PRDM11: variants seen among roughly 807,000 people sequenced by gnomAD.
PRDM11 encodes the protein PR/SET domain 11.
Under a neutral mutation model 97.8 loss-of-function variants are expected in PRDM11, and 20 were observed. That is an observed-to-expected ratio of 0.20 (90% confidence interval 0.14 to 0.30). PRDM11 has a LOEUF of 0.30. PRDM11 is among the 10% of genes least tolerant of loss of function. The probability of loss-of-function intolerance (pLI) is 1.00; values close to 1 mark genes in which losing one functional copy is unlikely to be tolerated. For missense variants in PRDM11, 1,139 were observed against 1,555.2 expected (o/e 0.73, Z 4.50); for synonymous variants, 599 against 637.7 (o/e 0.94, Z 0.91).
At chr11:45,194,947 T>C (rs985427189) in intron 4 of PRDM11, among the ~76,000 whole-genome samples, 8 of 152,110 alleles carry the variant, frequency 5.3e-5, no homozygotes, top group African/African-American at 1.9e-4. Flanking sequence ...TAAAAGGCCA[T>C]GTTACTTATC....
chr11:45,164,104 G>A (rs1430608395), intron 1 of PRDM11, among the ~76,000 whole-genome samples: 1 of 152,184 alleles, frequency 6.6e-6, no homozygotes, highest in Non-Finnish European at 1.5e-5. Context: ...AAAGATGGGG[G>A]ATCTGAAACT....
intron 1 of PRDM11, among the ~76,000 whole-genome samples, chr11:45,165,255 T>C (rs1852034336): frequency 6.6e-6 from 1 of 152,172 alleles, no homozygotes; most frequent in Non-Finnish European, 1.5e-5. Flanking sequence ...GGAGTGGATT[T>C]ACAGGGCTGC....
intron 4 of PRDM11, among the ~76,000 whole-genome samples, chr11:45,192,133 G>A (rs1368281826): frequency 6.6e-6 from 1 of 152,142 alleles, no homozygotes; most frequent in African/African-American, 2.4e-5. Context: ...AGAAACTGAG[G>A]GAACGCAGCA....
chr11:45,139,609 A>AGCAGG (rs1461160929), intron 1 of PRDM11, among the ~76,000 whole-genome samples: 3 of 151,874 alleles, frequency 2.0e-5, no homozygotes, highest in African/African-American at 7.3e-5. Context: ...TAGGATGTAA[A>AGCAGG]GCAGGGCATA....
intron 4 of PRDM11, among the ~76,000 whole-genome samples, chr11:45,202,457 A>G (rs866924166): frequency 6.6e-6 from 1 of 152,256 alleles, no homozygotes; most frequent in Non-Finnish European, 1.5e-5. Context: ...TCTTCTGTCA[A>G]ACTCACATAA....
At chr11:45,124,734 A>G (rs959851209) in intron 1 of PRDM11, among the ~76,000 whole-genome samples, 21 of 152,102 alleles carry the variant, frequency 1.4e-4, no homozygotes, top group African/African-American at 5.1e-4. Flanking sequence ...TGCTGGATTC[A>G]GTTTGCCAGT....
chr11:45,152,026 C>T (rs1228639757), intron 1 of PRDM11, among the ~76,000 whole-genome samples: 1 of 152,116 alleles, frequency 6.6e-6, no homozygotes, highest in Non-Finnish European at 1.5e-5. Context: ...CCCTTGCCTC[C>T]CCCAGGACTT....
At chr11:45,154,074 G>A (rs768919298) in intron 1 of PRDM11, among the ~76,000 whole-genome samples, 3 of 152,226 alleles carry the variant, frequency 2.0e-5, no homozygotes, top group African/African-American at 4.8e-5. Context: ...TAGGATTTGG[G>A]CTGGGCACAG....
chr11:45,179,256 G>T (rs1249708454), intron 1 of PRDM11, among the ~76,000 whole-genome samples: 1 of 152,170 alleles, frequency 6.6e-6, no homozygotes, highest in Non-Finnish European at 1.5e-5. Flanking sequence ...CCAATGGAGA[G>T]AATTTGAAGC....
intron 1 of PRDM11, among the ~76,000 whole-genome samples, chr11:45,157,447 G>A (rs989082264): frequency 4.6e-5 from 7 of 152,130 alleles, no homozygotes; most frequent in Non-Finnish European, 7.4e-5. Flanking sequence ...TTGCTAGCTC[G>A]CCTGCCACTC....
intron 1 of PRDM11, among the ~76,000 whole-genome samples, chr11:45,098,479 G>A (rs1460879222): frequency 1.3e-5 from 2 of 152,196 alleles, no homozygotes; most frequent in Admixed American, 6.5e-5. Context: ...GTTGGCATGA[G>A]ATGAGGTCAG....
chr11:45,225,316 C>T (rs1184900357), intron 7 of PRDM11, among the ~76,000 whole-genome samples: 1 of 152,148 alleles, frequency 6.6e-6, no homozygotes, highest in Admixed American at 6.5e-5. Context: ...GCCTGGAGTT[C>T]TAGAAGGATG....
At chr11:45,190,204 T>A (rs1432164534) in intron 4 of PRDM11, among the ~76,000 whole-genome samples, 1 of 151,672 alleles carries the variant, frequency 6.6e-6, no homozygotes, top group Non-Finnish European at 1.5e-5. Flanking sequence ...TGGAGTGCAG[T>A]GGCATGATCT....
chr11:45,181,840 C>T lies in PRDM11; in HGVS notation c.74C>T (p.Thr25Met), dbSNP rs770286632. The change falls in exon 2 of 8, where the codon ACG (threonine) becomes ATG (methionine). Residue 25 changes from threonine to methionine, a missense_variant. This residue lies in a region of PRDM11 where 429 missense variants were observed against 510.3 expected (regional missense o/e 0.84). Transcript: ENST00000683152. ...GGGGATATGGTGACGGTGGTGAAGA[C>T]GGAGGTCTGCTCACCACTCCGAGAC... is the stretch of plus-strand genomic sequence containing the variant. ...AVGDMVTVVKTEVCSPLRDQE... is the reference protein window; with the variant it reads ...AVGDMVTVVKMEVCSPLRDQE... 4.2e-5 allele frequency: 68 copies of T among 1,613,288 alleles called. No individual in the cohort carries two copies. In the Admixed American group the frequency reaches 5.2e-4, roughly 12 times the overall value.
chr11:45,123,730 C>T (rs1199030846), intron 1 of PRDM11, among the ~76,000 whole-genome samples: 10 of 150,858 alleles, frequency 6.6e-5, no homozygotes, highest in African/African-American at 2.2e-4. Flanking sequence ...CAGTACCATG[C>T]TGTTTTGGTT....
At chr11:45,208,974 T>C (rs1229825786) in intron 5 of PRDM11, 1 of 456,630 alleles carries the variant, frequency 2.2e-6, no homozygotes, top group Non-Finnish European at 4.4e-6. Flanking sequence ...AGCAGTGCTC[T>C]TTGGGAGGGA....
intron 1 of PRDM11, among the ~76,000 whole-genome samples, chr11:45,100,010 C>A (rs958001791): frequency 6.6e-6 from 1 of 152,134 alleles, no homozygotes; most frequent in Non-Finnish European, 1.5e-5. Context: ...GCAGTGACAG[C>A]AGGGAGGGAT....
intron 1 of PRDM11, among the ~76,000 whole-genome samples, chr11:45,160,002 A>C (rs1190465961): frequency 1.3e-5 from 2 of 152,154 alleles, no homozygotes; most frequent in Non-Finnish European, 2.9e-5. Context: ...TTTCTTCTTG[A>C]GTCACATTGA....
At chr11:45,197,825 A>T (rs1444026018) in intron 4 of PRDM11, among the ~76,000 whole-genome samples, 1 of 152,100 alleles carries the variant, frequency 6.6e-6, no homozygotes, top group African/African-American at 2.4e-5. Flanking sequence ...GAACAATGAG[A>T]ACACTTGGAC....
Sources: allele counts gnomAD v4.1 joint callset (sites outside exome capture counted in the v4.1 genomes callset), GRCh38; gene constraint gnomAD v4.1.1; regional missense constraint gnomAD v4.1.1; transcripts MANE v1.5; gene names NCBI Gene and HGNC (gene_info 2026-07-23, HGNC 2026-07-21).